The following STK17A variants were observed in gnomAD, a reference collection of about 807,000 sequenced individuals.
STK17A encodes serine/threonine-protein kinase 17A.
STK17A carries 26 observed loss-of-function variants against 43.7 expected under a neutral mutation model. The ratio of observed to expected loss-of-function variants is 0.60; its 90% CI spans 0.44 to 0.83. The LOEUF (loss-of-function observed/expected upper bound fraction) is 0.83, where lower values mean the gene tolerates loss of function less well. STK17A is among the 40% of genes least tolerant of loss of function. The pLI is 0.00. For missense variants in STK17A, 476 were observed against 511.6 expected, an observed-to-expected ratio of 0.93 and a Z score of 0.67; for synonymous variants, 191 against 182.5, an observed-to-expected ratio of 1.05 and a Z score of -0.38.
At chr7:43,594,532 T>G (rs1234106697) in intron 1 of STK17A, among the ~76,000 whole-genome samples, 1 of 152,084 alleles carries the variant, frequency 6.6e-6, no homozygotes, top group East Asian at 1.9e-4. Context: ...AATAAGACAT[T>G]GGCATTTGGT....
rs1347706021 is a variant in STK17A, at chr7:43,625,775, G to GTCTT, written c.*933_*934insTCTT. 6 of 151,982 alleles carry GTCTT rather than the reference G, an allele frequency of 3.9e-5. No individual in the cohort carries two copies. Among genetic ancestry groups the GTCTT allele is most frequent in the Admixed American group, 2.0e-4 (3 of 15,266 alleles). 9.4% of individuals were successfully genotyped at this position (151,982 alleles called of 1,614,324 possible). On this transcript the variant is annotated 3_prime_UTR_variant, in exon 7 of 7. Transcript: ENST00000319357. ...GAGCAGAGAGAGAGAGAGAGAGAGAGAGTGTCTTCATGCCAACCACAGCCT... is the reference window on the plus strand; with the variant it reads ...GAGCAGAGAGAGAGAGAGAGAGAGAGTCTTAGTGTCTTCATGCCAACCACAGCCT...
chr7:43,596,216 ATC>A (rs2082514507), intron 2 of STK17A, 103 bp downstream of exon 2: 1 of 1,088,402 alleles, frequency 9.2e-7, no homozygotes, highest in Non-Finnish European at 1.3e-6. Flanking sequence ...TTCTCTGGAA[ATC>A]TCAGAATTTT....
intron 3 of STK17A, among the ~76,000 whole-genome samples, chr7:43,615,336 T>A (rs1405446200): frequency 1.3e-5 from 2 of 151,876 alleles, no homozygotes; most frequent in Non-Finnish European, 2.9e-5. Context: ...CCACCATGCC[T>A]GGCTAATTTT....
At chr7:43,616,378 A>G (rs1290140926) in intron 3 of STK17A, among the ~76,000 whole-genome samples, 1 of 152,142 alleles carries the variant, frequency 6.6e-6, no homozygotes, top group African/African-American at 2.4e-5. Flanking sequence ...ACACCCTGTT[A>G]ATTTTTTTAT....
At chr7:43,584,138 T>C (rs907691023) in intron 1 of STK17A, among the ~76,000 whole-genome samples, 1 of 151,520 alleles carries the variant, frequency 6.6e-6, no homozygotes, top group Non-Finnish European at 1.5e-5. Context: ...TTTGTGGGAG[T>C]AGAGAGAGCT....
At chr7:43,621,616 T>G (rs2083898423) in intron 4 of STK17A, among the ~76,000 whole-genome samples, 1 of 152,132 alleles carries the variant, frequency 6.6e-6, no homozygotes, top group Admixed American at 6.5e-5. Flanking sequence ...CACAGGCACG[T>G]GCCAGCACAG....
At chr7:43,608,128 TA>T in intron 2 of STK17A, 127 bp from the exon 3 acceptor site, 1 of 961,072 alleles carries the variant, frequency 1.0e-6, no homozygotes, top group Non-Finnish European at 1.5e-6. Context: ...TTTTTCAAAA[TA>T]AAAATACATT....
chr7:43,587,154 GTTTTT>G (rs71011929), intron 1 of STK17A, among the ~76,000 whole-genome samples: 4 of 112,104 alleles, frequency 3.6e-5, no homozygotes, highest in African/African-American at 1.3e-4. Context: ...ATTGTTTTTT[GTTTTT>G]TTTTTTTTTT....
intron 1 of STK17A, 106 bp from the exon 2 acceptor site, chr7:43,595,795 A>G (rs2082510943): frequency 3.1e-6 from 3 of 973,418 alleles, no homozygotes; most frequent in East Asian, 2.6e-5. Context: ...GATTGTATAT[A>G]AGCTAAATTT....
intron 1 of STK17A, among the ~76,000 whole-genome samples, chr7:43,586,139 A>ACC (rs995261586): frequency 6.6e-6 from 1 of 151,562 alleles, no homozygotes; most frequent in Non-Finnish European, 1.5e-5. Context: ...CTTGGAGAAT[A>ACC]CCCGTGTTAA....
chr7:43,596,593 G>A (rs557445138), intron 2 of STK17A, among the ~76,000 whole-genome samples: 24 of 152,086 alleles, frequency 1.6e-4, no homozygotes, highest in Admixed American at 2.6e-4. Flanking sequence ...CATACCAGGC[G>A]TGGTGACTCA....
At position 43,623,848 on chromosome 7, in the gene STK17A, G is replaced by C; in HGVS notation, c.880G>C (p.Ala294Pro). ...AGAATTTGATGTTTTGTCTGAGTCG[G>C]CTGTTGATTTCATCAGGACACTTTT... The part of the protein sequence containing the change: ...EEEFDVLSES[A>P]VDFIRTLLVK... The change falls in exon 6 of 7, where the codon GCT becomes CCT. Residue 294 changes from alanine (A) to proline (P), a missense_variant. Ala to Pro is a conservative substitution (Grantham distance 27, BLOSUM62 -1). Around this residue, in one of 3 missense-constraint regions of STK17A, gnomAD observed 46 missense variants for 81.6 expected, o/e 0.56. Transcript: ENST00000319357. 6.3e-7 allele frequency: 1 copy of C among 1,592,962 alleles called. No homozygotes were observed. Among genetic ancestry groups the C allele is most frequent in the Non-Finnish European group, 8.5e-7 (1 of 1,172,840 alleles).
chr7:43,583,945 C>A (rs1488126658), intron 1 of STK17A, among the ~76,000 whole-genome samples: 1 of 152,182 alleles, frequency 6.6e-6, no homozygotes, highest in Non-Finnish European at 1.5e-5. Flanking sequence ...TGTCGGTCTT[C>A]TGCTGAATTC....
At chr7:43,620,008 C>T (rs977583572) in intron 4 of STK17A, among the ~76,000 whole-genome samples, 7 of 152,136 alleles carry the variant, frequency 4.6e-5, no homozygotes, top group African/African-American at 1.4e-4. Context: ...AGGATATTAG[C>T]TTATCTGAGG....
intron 2 of STK17A, among the ~76,000 whole-genome samples, chr7:43,606,223 A>G (rs958549750): frequency 6.6e-6 from 1 of 152,112 alleles, no homozygotes; most frequent in Non-Finnish European, 1.5e-5. Flanking sequence ...AGGGCCTAAC[A>G]TATTTGATGG....
intron 2 of STK17A, among the ~76,000 whole-genome samples, chr7:43,606,841 G>T (rs993262746): frequency 6.7e-6 from 1 of 149,962 alleles, no homozygotes; most frequent in Non-Finnish European, 1.5e-5. Flanking sequence ...GTTGTACCGA[G>T]AGAAATATAG....
At chr7:43,614,228 G>A (rs1244754937) in intron 3 of STK17A, among the ~76,000 whole-genome samples, 1 of 152,170 alleles carries the variant, frequency 6.6e-6, no homozygotes, top group Non-Finnish European at 1.5e-5. Context: ...AAGATACCGA[G>A]ATAAATAAAA....
intron 4 of STK17A, among the ~76,000 whole-genome samples, chr7:43,621,681 A>T (rs1362970856): frequency 6.6e-6 from 1 of 152,158 alleles, no homozygotes. Flanking sequence ...TGTGTTGCCC[A>T]GGCTAGTGAT....
At chr7:43,619,417 G>A (rs1185036018) in intron 3 of STK17A, among the ~76,000 whole-genome samples, 180 bp from the exon 4 acceptor site, 1 of 152,140 alleles carries the variant, frequency 6.6e-6, no homozygotes, top group African/African-American at 2.4e-5. Context: ...ATACAAGAGA[G>A]TACAGGCCTG....
Sources: gnomAD v4.1 joint callset for allele counts (sites outside exome capture counted in the v4.1 genomes callset) on GRCh38, gnomAD v4.1.1 for gene constraint, gnomAD v4.1.1 regional missense constraint, MANE v1.5 for transcripts, NCBI Gene and HGNC (gene_info 2026-07-23, HGNC 2026-07-21) for gene names.